TLE6: variants seen among roughly 807,000 people sequenced by gnomAD.
The protein encoded by TLE6 is TLE family member 6, subcortical maternal complex member.
In TLE6, 72 loss-of-function variants were observed where a neutral mutation model predicts 77.1. That is an observed-to-expected ratio of 0.93 (90% CI 0.77 to 1.14). The LOEUF (loss-of-function observed/expected upper bound fraction) is 1.14. Ranked by LOEUF, TLE6 falls within the 50% of genes most tolerant of loss-of-function variation. The pLI is 0.00. For synonymous variants in TLE6, 366 were observed against 287.3 expected (o/e 1.27, Z -2.77); for missense variants, 843 against 747.6 (o/e 1.13, Z -1.49).
intron 3 of TLE6, 71 bp from the exon 4 acceptor site, chr19:2,981,467 A>C: frequency 6.6e-7 from 1 of 1,508,326 alleles, no homozygotes; most frequent in Non-Finnish European, 9.0e-7. Flanking sequence ...CTAGGGGTTG[A>C]GGGTGGGGCT....
In TLE6 at chr19:2,994,045, G is replaced by A; in HGVS notation, c.1564G>A (p.Asp522Asn). ...FGQWWASVGM[D>N]DFLGVYSMPA... ...CCAGTGGTGGGCAAGCGTTGGAATG[G>A]ACGACTTCCTTGGCGTCTACAGCAT... is the stretch of plus-strand genomic sequence containing the variant. Residue 522 changes from aspartate to asparagine, a missense_variant, in exon 16 of 17, where the codon GAC becomes AAC. Physicochemically the swap from Asp to Asn is conservative, Grantham distance 23. Coordinates refer to ENST00000246112, the MANE Select transcript of TLE6 (RefSeq NM_001143986.2). The A allele has an allele frequency of 6.2e-7, 1 of 1,608,086 alleles. No individual in the cohort carries two copies. The highest frequency in any genetic ancestry group is 8.5e-7 in the Non-Finnish European group (1 of 1,177,878).
intron 3 of TLE6, 131 bp downstream of exon 3, chr19:2,980,313 C>G (rs1335441959): frequency 2.2e-5 from 14 of 628,078 alleles, no homozygotes; most frequent in Middle Eastern, 4.5e-4. Context: ...GGAAGCCATG[C>G]AGATACCCAG....
intron 5 of TLE6, chr19:2,984,345 C>CG (rs963036430): frequency 1.3e-5 from 2 of 151,208 alleles, no homozygotes; most frequent in Non-Finnish European, 3.0e-5. Flanking sequence ...TGGAGTCCCC[C>CG]CCCCCCCGCG....
At chr19:2,980,648 ATC>A (rs1011832183) in intron 3 of TLE6, among the ~76,000 whole-genome samples, 1 of 151,736 alleles carries the variant, frequency 6.6e-6, no homozygotes, top group Admixed American at 6.6e-5. Context: ...AGGCAGGAGA[ATC>A]TCTTGAACCC....
At chr19:2,991,395 TACAC>T (rs373594184) in intron 13 of TLE6, among the ~76,000 whole-genome samples, 1,803 of 114,042 alleles carry the variant, frequency 0.016, 35 homozygotes, top group Middle Eastern at 0.028. Flanking sequence ...TATATATATA[TACAC>T]ACACACACAC....
chr19:2,991,395 T>TATACACACAC (rs1555686268), intron 13 of TLE6, among the ~76,000 whole-genome samples: 6 of 114,150 alleles, frequency 5.3e-5, no homozygotes, highest in East Asian at 4.7e-4. Flanking sequence ...TATATATATA[T>TATACACACAC]ACACACACAC....
At chr19:2,989,420 G>A in intron 12 of TLE6, 107 bp downstream of exon 12, 1 of 1,574,792 alleles carries the variant, frequency 6.4e-7, no homozygotes, top group Non-Finnish European at 8.6e-7. Context: ...CCAGGGAAAA[G>A]GGGCATAATA....
intron 5 of TLE6, among the ~76,000 whole-genome samples, chr19:2,986,187 A>AG (rs1265434552): frequency 7.3e-6 from 1 of 136,896 alleles, no homozygotes; most frequent in East Asian, 2.5e-4. Flanking sequence ...CACACGTGGG[A>AG]GGATAGTTTG....
rs377025257 is a variant in TLE6, at chr19:2,995,008, G to T, written c.*4G>T. 10 of 1,589,724 alleles carry T rather than the reference G, an allele frequency of 6.3e-6. No homozygotes were observed. In the Admixed American group the frequency reaches 8.6e-5, roughly 14 times the overall value. On this transcript the variant is annotated 3_prime_UTR_variant, in exon 17 of 17. Coordinates refer to ENST00000246112, the MANE Select transcript of TLE6 (RefSeq NM_001143986.2). ...CGTGTACCAGATCACCTACTGAGGG[G>T]CCTCGCTGCTGTCATCCCACTCCGG...
intron 14 of TLE6, 30 bp from the exon 15 acceptor site, chr19:2,993,402 G>A (rs751230336): frequency 1.3e-6 from 2 of 1,577,262 alleles, no homozygotes; most frequent in Non-Finnish European, 8.7e-7. Context: ...ACCTAACCAG[G>A]TTCCTCCCTC....
At position 2,987,367 on chromosome 19, in the gene TLE6, G is replaced by C. The variant is rs2088938869; in HGVS notation, c.553G>C (p.Gly185Arg). 1 of 1,613,826 alleles carries C rather than the reference G, an allele frequency of 6.2e-7. No individual in the cohort carries two copies. Among genetic ancestry groups the C allele is most frequent in the Admixed American group, 1.7e-5 (1 of 60,010 alleles). Residue 185 changes from glycine (G) to arginine (R), a missense_variant, in exon 8 of 17, where the codon GGC (glycine) becomes CGC (arginine). Physicochemically the swap from Gly to Arg is moderately radical, Grantham distance 125 (BLOSUM62 -2). Transcript: ENST00000246112. ...TGTCATGGTGACAGAGCAGGCACCA[G>C]GCCTGGTGAGTAAACAACCTCAGCT... ...AKPRDRQQAP[G>R]LGQESKAPGS... is the part of the protein sequence containing the mutation.
intron 2 of TLE6, among the ~76,000 whole-genome samples, chr19:2,978,783 G>A (rs1273298392): frequency 1.2e-4 from 19 of 152,114 alleles, no homozygotes; most frequent in Non-Finnish European, 2.8e-4. Context: ...AATCACATAT[G>A]TGATAAAAAC....
rs757729626 is a variant in TLE6 at position 2,991,919 on chromosome 19, G to GCCTGTCTGCGGTGCTGGGAC, written c.1323_1342dup (p.Gln448ProfsTer12). ...CAACATCTGGACTGGGGGTCCGGATGCCTGTCTGCGGTGCTGGGACCAGAG... is the reference window on the plus strand; with the variant it reads ...CAACATCTGGACTGGGGGTCCGGATGCCTGTCTGCGGTGCTGGGACCCTGTCTGCGGTGCTGGGACCAGAG... On this transcript the variant is annotated frameshift_variant, in exon 14 of 17. Transcript: ENST00000246112. LOFTEE classifies it high-confidence loss of function. 3 of 1,613,966 alleles carry GCCTGTCTGCGGTGCTGGGAC rather than the reference G, an allele frequency of 1.9e-6. No individual in the cohort carries two copies. In the African/African-American group the frequency reaches 4.0e-5, roughly 22 times the overall value.
At chr19:2,992,048 G>C (rs2089079976) in intron 14 of TLE6, 64 bp downstream of exon 14, 1 of 1,585,368 alleles carries the variant, frequency 6.3e-7, no homozygotes, top group Non-Finnish European at 8.6e-7. Context: ...TAAAAAATGA[G>C]GTTGAGGCCG....
In TLE6 at chr19:2,981,546, C is replaced by A; in HGVS notation, c.143C>A (p.Pro48His). The part of the protein sequence containing the change: ...NRLKQFPRFS[P>H]HFAAELESIY... ...TCCTCCTTCCCCCTCAGGTTTTCTC[C>A]TCATTTTGCTGCGGAGTTGGAGAGC... The change falls in exon 4 of 17, where the codon CCT becomes CAT. Residue 48 changes from proline to histidine, a missense_variant. By Grantham distance (77) the Pro-to-His change is moderately conservative. Transcript: ENST00000246112. 5 of 1,551,452 alleles carry A rather than the reference C, an allele frequency of 3.2e-6. No homozygotes were observed. The highest frequency in any genetic ancestry group is 1.4e-5 in the African/African-American group (1 of 73,094).
In TLE6 at chr19:2,989,805, A is replaced by AG. The variant is rs763323901; in HGVS notation, c.1244+24dup. 75 of 1,611,596 alleles carry AG rather than the reference A, an allele frequency of 4.7e-5. No homozygotes were observed. The highest frequency in any genetic ancestry group is 1.2e-4 in the Admixed American group (7 of 59,906). ...GGTCAGGTGCGTTTGGGGGGTGGGA[A>AG]GGGGAAGCATCCTGTGCCAGCCTCC... On this transcript the variant is annotated intron_variant, in intron 13 of 16. Coordinates refer to ENST00000246112, the MANE Select transcript of TLE6 (RefSeq NM_001143986.2).
rs916934852 is a variant in TLE6, at chr19:2,980,151, G to A, written c.103G>A (p.Gly35Ser). ...SESSPTLNYQGILNRLKQFPR... is the reference protein window; with the variant it reads ...SESSPTLNYQSILNRLKQFPR... ...GAGCTCTCCGACGCTGAATTATCAG[G>A]GCATTCTAAATCGGCTCAAGCAGTT... The change falls in exon 3 of 17, where the codon GGC becomes AGC. Residue 35 changes from glycine (G) to serine (S), a missense_variant. Gly to Ser is a moderately conservative substitution (Grantham distance 56). Coordinates refer to ENST00000246112, the MANE Select transcript of TLE6 (RefSeq NM_001143986.2). The A allele has an allele frequency of 6.5e-7, 1 of 1,549,352 alleles. No individual in the cohort carries two copies. The highest frequency in any genetic ancestry group is 1.4e-5 in the African/African-American group (1 of 72,888).
chr19:2,989,453 A>G (rs373376065), intron 12 of TLE6, 82 bp from the exon 13 acceptor site: 1 of 1,569,362 alleles, frequency 6.4e-7, no homozygotes, highest in East Asian at 2.2e-5. Flanking sequence ...AAGGATGAAT[A>G]GGAGTTCGCT....
intron 3 of TLE6, 24 bp from the exon 4 acceptor site, chr19:2,981,514 C>T (rs1179428035): frequency 1.3e-6 from 2 of 1,551,190 alleles, no homozygotes; most frequent in Admixed American, 2.0e-5. Context: ...ACAGGTCTTC[C>T]AGCCTGTCCT....
Sources: allele counts gnomAD v4.1 joint callset (sites outside exome capture counted in the v4.1 genomes callset), GRCh38; gene constraint gnomAD v4.1.1; transcripts MANE v1.5; gene names NCBI Gene and HGNC (gene_info 2026-07-23, HGNC 2026-07-21).